The following INSL4 variants were observed in gnomAD, a reference collection of about 807,000 sequenced individuals.
The protein encoded by INSL4 is insulin like 4.
Under a neutral mutation model 6.5 loss-of-function variants are expected in INSL4, and 7 were observed. The ratio of observed to expected loss-of-function variants is 1.08; its 90% CI spans 0.61 to 2.02. INSL4 has a LOEUF of 2.02. Ranked by LOEUF, INSL4 falls within the 30% of genes most tolerant of loss-of-function variation. INSL4 has a pLI of 0.00. For synonymous variants in INSL4, 82 were observed against 65.8 expected (o/e 1.25, Z -1.19); for missense variants, 226 against 163.2 (o/e 1.38, Z -2.09).
chr9:5,234,644 G>T lies in INSL4; in HGVS notation c.*767G>T, dbSNP rs968899418. 1 of 152,416 alleles carries T rather than the reference G, an allele frequency of 6.6e-6. No individual in the cohort carries two copies. Among genetic ancestry groups the T allele is most frequent in the Non-Finnish European group, 1.5e-5 (1 of 68,064 alleles). The allele number at this position is 152,416 out of a possible 1,614,324, so 9.4% of individuals were successfully genotyped here. On this transcript the variant is annotated 3_prime_UTR_variant, in exon 2 of 2. Transcript: ENST00000239316. ...CATCCCCTCATCAAAGTGGTGAATT[G>T]GCACAAATACTGGCATTCCTCTGGC...
In INSL4 at chr9:5,233,161, A is replaced by G. The variant is rs533055552; in HGVS notation, c.197-493A>G. 5.3e-5 allele frequency among the ~76,000 whole-genome samples: 8 copies of G among 152,306 alleles called. 1 individual carries two copies. The highest frequency in any genetic ancestry group is 5.2e-4 in the Admixed American group (8 of 15,286). On this transcript the variant is annotated intron_variant, in intron 1 of 1. Coordinates refer to ENST00000239316, the MANE Select transcript of INSL4 (RefSeq NM_002195.2). ...AAAATGGAAAGTATTCATGGATAAC[A>G]AATGTTAACATTTGGTGTCGACACA...
In INSL4 at chr9:5,234,010, G is replaced by A. The variant is rs1452321776; in HGVS notation, c.*133G>A. ...TTATTAGTATTCACATGTTTCACTT[G>A]CTCTGTACTAATATAGTCTCTCCAA... is the stretch of plus-strand genomic sequence containing the variant. On this transcript the variant is annotated 3_prime_UTR_variant, in exon 2 of 2. Coordinates refer to ENST00000239316, the MANE Select transcript of INSL4 (RefSeq NM_002195.2). 4 of 667,632 alleles carry A rather than the reference G, an allele frequency of 6.0e-6. No individual in the cohort carries two copies. The African/African-American group carries it at 7.2e-5, about 12-fold the overall frequency. 41.4% of individuals were successfully genotyped at this position (667,632 alleles called of 1,614,324 possible). A position where few individuals can be genotyped will look rare whatever the true frequency, so the allele number is the denominator to read the frequency against.
chr9:5,231,869 G>T lies in INSL4; in HGVS notation c.196+150G>T, dbSNP rs78247081. 2,019 of 685,800 alleles carry T rather than the reference G, an allele frequency of 2.9e-3. 25 individuals carry two copies. In the African/African-American group the frequency reaches 0.033, roughly 11 times the overall value. The allele number at this position is 685,800 out of a possible 1,614,324, so 42.5% of individuals were successfully genotyped here. On this transcript the variant is annotated intron_variant, in intron 1 of 1. Transcript: ENST00000239316. ...ATTGTAATGTGCTTTTATTAAAAGG[G>T]TCTCACCAGAAATCTCATGGGAAGT...
chr9:5,233,113 A>T (rs1383702535), intron 1 of INSL4, among the ~76,000 whole-genome samples: 2 of 152,164 alleles, frequency 1.3e-5, no homozygotes, highest in Non-Finnish European at 2.9e-5. Context: ...ATACTTTGAC[A>T]AATATAGATA....
Position 5,233,764 on chromosome 9 carries a change from T to A in INSL4, c.307T>A (p.Ser103Thr). The A allele has an allele frequency of 6.2e-7, 1 of 1,613,718 alleles. No homozygotes were observed. Among genetic ancestry groups the A allele is most frequent in the Non-Finnish European group, 8.5e-7 (1 of 1,179,726 alleles). Residue 103 changes from serine to threonine, a missense_variant, in exon 2 of 2, where the codon TCA (serine) becomes ACA (threonine). Physicochemically the swap from Ser to Thr is moderately conservative, Grantham distance 58. Coordinates refer to ENST00000239316, the MANE Select transcript of INSL4 (RefSeq NM_002195.2). ...GAAACCACTGTCTGAAGGGCAGCCA[T>A]CATTGAAGAAAATAATACTTTCCCG... ...LKKPLSEGQP[S>T]LKKIILSRKK...
intron 1 of INSL4, among the ~76,000 whole-genome samples, chr9:5,232,077 G>A (rs977228942): frequency 6.6e-6 from 1 of 152,020 alleles, no homozygotes; most frequent in African/African-American, 2.4e-5. Flanking sequence ...AGGAAAGCTG[G>A]GCAGGCCAGA....
chr9:5,232,152 A>C (rs1389684497), intron 1 of INSL4, among the ~76,000 whole-genome samples: 1 of 152,194 alleles, frequency 6.6e-6, no homozygotes, highest in East Asian at 1.9e-4. Flanking sequence ...AAGGGGACAA[A>C]CAGTGAGGTG....
At position 5,231,541 on chromosome 9, in the gene INSL4, G is replaced by A. The variant is rs895827673; in HGVS notation, c.18G>A (p.Arg6=). 5 of 1,613,286 alleles carry A rather than the reference G, an allele frequency of 3.1e-6. No homozygotes were observed. The South Asian group carries it at 4.4e-5, about 14-fold the overall frequency. The change falls in exon 1 of 2, where the codon CGG becomes CGA. Residue 6 remains arginine, a synonymous_variant. Transcript: ENST00000239316. ...GGTCCAGGATGGCCAGCCTGTTCCG[G>A]TCCTATCTGCCAGCAATCTGGCTGC... MASLF[R]SYLPAIWLLL... is the part of the protein sequence containing the mutation.
chr9:5,234,097 A>G lies in INSL4; in HGVS notation c.*220A>G, dbSNP rs1389777153. 2 of 495,254 alleles carry G rather than the reference A, an allele frequency of 4.0e-6. No homozygotes were observed. The highest frequency in any genetic ancestry group is 7.2e-6 in the Non-Finnish European group (2 of 276,658). 30.7% of individuals were successfully genotyped at this position (495,254 alleles called of 1,614,324 possible). ...GTTGATAGTACAATGGGGAAATTAT[A>G]CTTAACAATAATTCACTGTATATTC... On this transcript the variant is annotated 3_prime_UTR_variant, in exon 2 of 2. Transcript: ENST00000239316.
Position 5,231,737 on chromosome 9 carries a change from CCAAA to C in INSL4, c.196+22_196+25del, listed in dbSNP as rs1826149494. ...TCCCAAAGGTGAGAGCCCTGGACTA[CCAAA>C]CAATCAGAATGAGGCCTGAAAAAAC... On this transcript the variant is annotated intron_variant, in intron 1 of 1. Transcript: ENST00000239316. 1 of 1,608,742 alleles carries C rather than the reference CCAAA, an allele frequency of 6.2e-7. No individual in the cohort carries two copies. The highest frequency in any genetic ancestry group is 1.3e-5 in the African/African-American group (1 of 74,692).
chr9:5,233,459 A>G (rs7030188), intron 1 of INSL4, among the ~76,000 whole-genome samples, 195 bp from the exon 2 acceptor site: 3,814 of 152,224 alleles, frequency 0.025, 176 homozygotes, highest in African/African-American at 0.088. Flanking sequence ...TATCCTTAAT[A>G]TTGTAGTATC....
rs1283332161 is a variant in INSL4 at position 5,234,451 on chromosome 9, T to G, written c.*574T>G. Reference sequence around the variant, plus strand: ...AGCTCATAGTACGGAGGAAAAGCAGTGAAGGAATGAACTGGTGGGAGAGGT... The same window carrying G: ...AGCTCATAGTACGGAGGAAAAGCAGGGAAGGAATGAACTGGTGGGAGAGGT... On this transcript the variant is annotated 3_prime_UTR_variant, in exon 2 of 2. Coordinates refer to ENST00000239316, the MANE Select transcript of INSL4 (RefSeq NM_002195.2). The G allele has an allele frequency of 6.5e-6, 1 of 154,384 alleles. No individual in the cohort carries two copies. The highest frequency in any genetic ancestry group is 1.4e-5 in the Non-Finnish European group (1 of 69,676). 9.6% of individuals were successfully genotyped at this position (154,384 alleles called of 1,614,324 possible).
rs906539212 is a variant in INSL4 at position 5,233,830 on chromosome 9, T to C, written c.373T>C (p.Cys125Arg). Residue 125 changes from cysteine to arginine, a missense_variant, in exon 2 of 2, where the codon TGT (cysteine) becomes CGT (arginine). Coordinates refer to ENST00000239316, the MANE Select transcript of INSL4 (RefSeq NM_002195.2). ...ACGTCACAGATTTGATCCATTCTGT[T>C]GTGAAGTAATTTGTGACGATGGAAC... ...SGRHRFDPFC[C>R]EVICDDGTSV... 6.2e-6 allele frequency: 10 copies of C among 1,613,508 alleles called. No homozygotes were observed. The highest frequency in any genetic ancestry group is 5.9e-6 in the Non-Finnish European group (7 of 1,179,658).
chr9:5,233,301 A>G (rs535185923), intron 1 of INSL4, among the ~76,000 whole-genome samples: 1 of 152,102 alleles, frequency 6.6e-6, no homozygotes, highest in Non-Finnish European at 1.5e-5. Context: ...ACTTGTGATT[A>G]TAAAAAAAAT....
rs1239440650 is a variant in INSL4 at position 5,231,777 on chromosome 9, T to A, written c.196+58T>A. On this transcript the variant is annotated intron_variant, in intron 1 of 1. Transcript: ENST00000239316. ...GAGGCCTGAAAAAACAGGCTCCAGA[T>A]CTCATTGACTGCCTGTAGTCAACTC... is the stretch of plus-strand genomic sequence containing the variant. The A allele has an allele frequency of 2.0e-6, 3 of 1,464,894 alleles. No homozygotes were observed. In the African/African-American group the frequency reaches 4.2e-5, roughly 21 times the overall value. The allele number at this position is 1,464,894 out of a possible 1,614,324, so 90.7% of individuals were successfully genotyped here.
At chr9:5,231,812 T>A in intron 1 of INSL4, 93 bp downstream of exon 1, 1 of 1,084,838 alleles carries the variant, frequency 9.2e-7, no homozygotes, top group Non-Finnish European at 1.3e-6. Context: ...CAGACTCTAC[T>A]GTGGCTAGTG....
chr9:5,231,551 C>T lies in INSL4; in HGVS notation c.28C>T (p.Pro10Ser). 1.2e-6 allele frequency: 2 copies of T among 1,613,516 alleles called. No individual in the cohort carries two copies. The highest frequency in any genetic ancestry group is 1.7e-6 in the Non-Finnish European group (2 of 1,179,814). The stretch of plus-strand genomic sequence containing the variant: ...GGCCAGCCTGTTCCGGTCCTATCTG[C>T]CAGCAATCTGGCTGCTGCTGAGCCA... Reference protein sequence around the residue: MASLFRSYLPAIWLLLSQLL... With the variant: MASLFRSYLSAIWLLLSQLL... The change falls in exon 1 of 2, where the codon CCA becomes TCA. Residue 10 changes from proline (P) to serine (S), a missense_variant. Pro to Ser is a moderately conservative substitution (Grantham distance 74). Coordinates refer to ENST00000239316, the MANE Select transcript of INSL4 (RefSeq NM_002195.2).
rs185516308 is a variant in INSL4, at chr9:5,231,422, C to T, written c.-102C>T. ...CTGATGAAGGCATGCAGAAAGCAGT[C>T]TGGAGCCCAGAAGGGACACACCAGC... On this transcript the variant is annotated 5_prime_UTR_variant, in exon 1 of 2. Coordinates refer to ENST00000239316, the MANE Select transcript of INSL4 (RefSeq NM_002195.2). 1.8e-6 allele frequency: 2 copies of T among 1,142,258 alleles called. No homozygotes were observed. The highest frequency in any genetic ancestry group is 5.3e-5 in the Admixed American group (2 of 37,782). 70.8% of individuals were successfully genotyped at this position (1,142,258 alleles called of 1,614,324 possible).
chr9:5,231,437 G>A lies in INSL4; in HGVS notation c.-87G>A. 8 of 1,315,264 alleles carry A rather than the reference G, an allele frequency of 6.1e-6. No homozygotes were observed. The highest frequency in any genetic ancestry group is 8.3e-6 in the Non-Finnish European group (8 of 958,132). 81.5% of individuals were successfully genotyped at this position (1,315,264 alleles called of 1,614,324 possible). On this transcript the variant is annotated 5_prime_UTR_variant, in exon 1 of 2. Coordinates refer to ENST00000239316, the MANE Select transcript of INSL4 (RefSeq NM_002195.2). ...AGAAAGCAGTCTGGAGCCCAGAAGG[G>A]ACACACCAGCACAGTCTGGTAGGCT... is the stretch of plus-strand genomic sequence containing the variant.
Sources: allele counts gnomAD v4.1 joint callset (sites outside exome capture counted in the v4.1 genomes callset), GRCh38; gene constraint gnomAD v4.1.1; transcripts MANE v1.5; gene names NCBI Gene and HGNC (gene_info 2026-07-23, HGNC 2026-07-21).